The following GATM variants were observed in gnomAD, a reference collection of about 807,000 sequenced individuals.
GATM encodes glycine amidinotransferase.
In GATM, 23 loss-of-function variants were observed where a neutral mutation model predicts 54.2. The ratio of observed to expected loss-of-function variants is 0.42; its 90% CI spans 0.31 to 0.60. The LOEUF is 0.60. Ranked by LOEUF, GATM falls within the 20% of genes least tolerant of loss-of-function variation. The probability of loss-of-function intolerance (pLI) is 0.14; values close to 1 mark genes in which losing one functional copy is unlikely to be tolerated. For missense variants in GATM, 401 were observed against 544.9 expected (o/e 0.74, Z 2.63); for synonymous variants, 168 against 183.1 (o/e 0.92, Z 0.67).
chr15:45,372,276 T>C (rs1354598471), intron 2 of GATM, among the ~76,000 whole-genome samples: 1 of 152,234 alleles, frequency 6.6e-6, no homozygotes, highest in Admixed American at 6.5e-5. Flanking sequence ...TTACTTATTA[T>C]CTGGTAGAAA....
rs923654745 is a variant in GATM, at chr15:45,376,619, C to T, written c.270G>A (p.Pro90=). The T allele has an allele frequency of 6.8e-6, 11 of 1,614,148 alleles. No individual in the cohort carries two copies. Among genetic ancestry groups the T allele is most frequent in the South Asian group, 6.6e-5 (6 of 91,084 alleles). Reference sequence around the variant, plus strand: ...CCTTTACCTTCACCTCGATGGTGAACGGTGGAACACAGGCGTTTTCTGCTC... The same window carrying T: ...CCTTTACCTTCACCTCGATGGTGAATGGTGGAACACAGGCGTTTTCTGCTC... ...VGRAENACVP[P]FTIEVKANTY... The change falls in exon 2 of 9, where the codon CCG becomes CCA. Residue 90 remains proline, a synonymous_variant. Transcript: ENST00000396659.
At chr15:45,370,012 A>AG in intron 2 of GATM, among the ~76,000 whole-genome samples, 1 of 152,180 alleles carries the variant, frequency 6.6e-6, no homozygotes, top group Non-Finnish European at 1.5e-5. Context: ...TATTTTGTGA[A>AG]GGGAAAAAAA....
intron 3 of GATM, among the ~76,000 whole-genome samples, 199 bp downstream of exon 3, chr15:45,369,127 G>A (rs987668026): frequency 1.3e-5 from 2 of 152,174 alleles, no homozygotes; most frequent in South Asian, 4.1e-4. Flanking sequence ...GAGATTCCAC[G>A]AGATGGAATG....
chr15:45,378,981 T>TAGA (rs1002025801), upstream of GATM: 1 of 152,106 alleles, frequency 6.6e-6, no homozygotes, highest in Admixed American at 6.5e-5. Flanking sequence ...GATTAGGTGG[T>TAGA]TTCTTGGTGC....
At position 45,368,167 on chromosome 15, in the gene GATM, T is replaced by C. The variant is rs1265539013; in HGVS notation, c.578A>G (p.Tyr193Cys). 2.5e-6 allele frequency: 4 copies of C among 1,614,138 alleles called. No homozygotes were observed. Among genetic ancestry groups the C allele is most frequent in the Non-Finnish European group, 3.4e-6 (4 of 1,180,024 alleles). The change falls in exon 4 of 9, where the codon TAC (tyrosine) becomes TGC (cysteine). Residue 193 changes from tyrosine (Y) to cysteine (C), a missense_variant. Coordinates refer to ENST00000396659, the MANE Select transcript of GATM (RefSeq NM_001482.3). This position sits in a 1 kb window ranked among gnomAD's most constrained non-coding sequence, Gnocchi z 5.1. ...PMAWRSRFFEYRAYRSIIKDY... is the reference protein window; with the variant it reads ...PMAWRSRFFECRAYRSIIKDY... ...TTTGATAATTGACCTGTACGCTCGG[T>C]ACTCAAAGAAGCGTGAACGCCATGC...
chr15:45,400,457 G>T (rs1461446596), intron 1 of GATM, among the ~76,000 whole-genome samples: 2 of 152,190 alleles, frequency 1.3e-5, no homozygotes, highest in Non-Finnish European at 2.9e-5. Flanking sequence ...GCTTTTGTTT[G>T]CAACCTATGG....
In GATM at chr15:45,386,209, C is replaced by T. The variant is rs568413947; in HGVS notation, c.-318-9390G>A. Among the ~76,000 whole-genome samples, 6 of 152,262 alleles carry T rather than the reference C, an allele frequency of 3.9e-5. No individual in the cohort carries two copies. In the South Asian group the frequency reaches 1.2e-3, roughly 32 times the overall value. ...ATTGTATGTACAGTATTCTCTGAAC[C>T]ATGTTGAACATATGTATGCACATAA... On this transcript the variant is annotated intron_variant, in intron 3 of 4. Coordinates refer to the GATM transcript ENST00000561148.
chr15:45,392,134 G>A (rs1254589710), intron 3 of GATM, among the ~76,000 whole-genome samples: 4 of 152,170 alleles, frequency 2.6e-5, no homozygotes, highest in Non-Finnish European at 5.9e-5. Context: ...TACATGTAAA[G>A]CACTTAAAAT....
At chr15:45,370,101 G>C (rs578044820) in intron 2 of GATM, among the ~76,000 whole-genome samples, 2 of 152,260 alleles carry the variant, frequency 1.3e-5, no homozygotes, top group Non-Finnish European at 2.9e-5. Context: ...TATTGGCCAG[G>C]CATGGTTGCT....
At chr15:45,367,171 T>C (rs987054814) in intron 4 of GATM, among the ~76,000 whole-genome samples, 1 of 152,006 alleles carries the variant, frequency 6.6e-6, no homozygotes, top group Non-Finnish European at 1.5e-5. Context: ...TGAAACCCCG[T>C]TTCTACTAAA....
intron 6 of GATM, among the ~76,000 whole-genome samples, chr15:45,365,089 G>T (rs1889427636): frequency 6.6e-6 from 1 of 152,292 alleles, no homozygotes; most frequent in South Asian, 2.1e-4. Flanking sequence ...AAATGTTACA[G>T]CTTTTAAAGA....
intron 4 of GATM, among the ~76,000 whole-genome samples, chr15:45,367,766 G>C (rs1020508432): frequency 1.3e-5 from 2 of 152,076 alleles, no homozygotes; most frequent in African/African-American, 4.8e-5. Flanking sequence ...CCATCTAATG[G>C]AATGATACTA....
intron 3 of GATM, among the ~76,000 whole-genome samples, chr15:45,394,860 G>C (rs916510240): frequency 3.9e-5 from 6 of 152,098 alleles, no homozygotes; most frequent in African/African-American, 1.4e-4. Context: ...TCATCCTTTT[G>C]TCTTCAGTTT....
chr15:45,374,307 A>G (rs1249717839), intron 2 of GATM, among the ~76,000 whole-genome samples: 2 of 152,258 alleles, frequency 1.3e-5, no homozygotes, highest in Non-Finnish European at 2.9e-5. Context: ...CAAGTGACAA[A>G]GAACTCAAAA....
At chr15:45,364,585 G>T (rs1889418157) in intron 7 of GATM, 1 of 547,588 alleles carries the variant, frequency 1.8e-6, no homozygotes, top group Non-Finnish European at 3.3e-6. Context: ...GTTTTATTCT[G>T]TCTTCTCCTT....
intron 1 of GATM, chr15:45,377,198 AC>A (rs1366463120): frequency 2.1e-6 from 1 of 472,014 alleles, no homozygotes; most frequent in Non-Finnish European, 4.2e-6. Context: ...CTGCTCTAAA[AC>A]TTCCCGCCAG....
chr15:45,378,296 C>G (rs1889676117), intron 1 of GATM, 89 bp downstream of exon 1: 6 of 1,030,826 alleles, frequency 5.8e-6, no homozygotes, highest in Non-Finnish European at 7.0e-6. Flanking sequence ...AAGGTGGCGG[C>G]TCCGGGCAGG....
At chr15:45,394,547 G>C (rs1273575814) in intron 3 of GATM, among the ~76,000 whole-genome samples, 1 of 152,206 alleles carries the variant, frequency 6.6e-6, no homozygotes, top group Non-Finnish European at 1.5e-5. Context: ...TAGTGTGTTT[G>C]CCAAAACTTC....
Position 45,401,037 on chromosome 15 carries a change from G to C in GATM, c.-530+902C>G, listed in dbSNP as rs141052982. Among the ~76,000 whole-genome samples, 26 of 152,224 alleles carry C rather than the reference G, an allele frequency of 1.7e-4. 1 individual carries two copies. The East Asian group carries it at 4.6e-3, about 27-fold the overall frequency. On this transcript the variant is annotated intron_variant, in intron 1 of 4. Transcript: ENST00000561148. ...CAAACCAAAAAGAACTGAAGCCAAT[G>C]GGATTAAGAGGAAAAAAGAAAACAG...
Sources: allele counts gnomAD v4.1 joint callset (sites outside exome capture counted in the v4.1 genomes callset), GRCh38; gene constraint gnomAD v4.1.1; non-coding constraint Gnocchi (gnomAD v3.1); transcripts MANE v1.5; gene names NCBI Gene and HGNC (gene_info 2026-07-23, HGNC 2026-07-21).